Variants in RBFOX3 observed in about 807,000 individuals in gnomAD.
RBFOX3 encodes RNA binding fox-1 homolog 3, also known as RNA binding protein fox-1 homolog 3.
Under a neutral mutation model 48.7 loss-of-function variants are expected in RBFOX3, and 17 were observed. The observed-to-expected ratio is 0.35, with a 90% CI of 0.24 to 0.52. The LOEUF is 0.52. RBFOX3 is among the 20% of genes least tolerant of loss of function. The pLI is 0.94. For missense variants in RBFOX3, 382 were observed against 497.5 expected (o/e 0.77, Z 2.21); for synonymous variants, 212 against 209.5 (o/e 1.01, Z -0.10).
chr17:79,451,103 T>C (rs2073408308), intron 2 of RBFOX3, among the ~76,000 whole-genome samples: 2 of 152,112 alleles, frequency 1.3e-5, no homozygotes, highest in African/African-American at 4.8e-5. Context: ...TGCCAAACCC[T>C]TCCTCTCGCC....
At chr17:79,386,720 G>A (rs73425322) in intron 2 of RBFOX3, among the ~76,000 whole-genome samples, 1 of 152,178 alleles carries the variant, frequency 6.6e-6, no homozygotes, top group Non-Finnish European at 1.5e-5. Flanking sequence ...AGCCCTTGGG[G>A]TCCAGCCCCT....
intron 4 of RBFOX3, among the ~76,000 whole-genome samples, chr17:79,126,153 G>A (rs573643579): frequency 8.9e-4 from 135 of 152,346 alleles, no homozygotes; most frequent in African/African-American, 3.1e-3. Context: ...CTTCCTGGAC[G>A]CGTCTGCCAC....
rs376181574 is a variant in RBFOX3, at chr17:79,153,978, C to T, written c.-33-38230G>A. Among the ~76,000 whole-genome samples the T allele has an allele frequency of 7.6e-4, 116 of 152,298 alleles. 1 individual carries two copies. The highest frequency in any genetic ancestry group is 1.3e-4 in the Non-Finnish European group (9 of 68,016). ...AGGGGCGGGCCCAGTCCGGCTCCCA[C>T]GGCAGCCAGGGAGATGGTTAAAACA... On this transcript the variant is annotated intron_variant, in intron 4 of 14. Coordinates refer to ENST00000693108, the MANE Select transcript of RBFOX3 (RefSeq NM_001350451.2).
intron 3 of RBFOX3, among the ~76,000 whole-genome samples, chr17:79,271,365 C>T (rs970769251): frequency 6.6e-6 from 1 of 152,168 alleles, no homozygotes; most frequent in Non-Finnish European, 1.5e-5. Flanking sequence ...CGTGAGCCAC[C>T]GTGCCCGGCC....
At chr17:79,191,386 G>A (rs1229177974) in intron 4 of RBFOX3, among the ~76,000 whole-genome samples, 2 of 152,214 alleles carry the variant, frequency 1.3e-5, no homozygotes, top group Non-Finnish European at 2.9e-5. Flanking sequence ...CACTCAGTGA[G>A]TTAAAAAGCA....
chr17:79,538,640 C>T lies in RBFOX3; in HGVS notation c.-319-56042G>A, dbSNP rs887850980. Among the ~76,000 whole-genome samples, 12 of 152,354 alleles carry T rather than the reference C, an allele frequency of 7.9e-5. No homozygotes were observed. In the East Asian group the frequency reaches 1.7e-3, roughly 22 times the overall value. On this transcript the variant is annotated intron_variant, in intron 1 of 14. Coordinates refer to ENST00000693108, the MANE Select transcript of RBFOX3 (RefSeq NM_001350451.2). Reference sequence around the variant, plus strand: ...CAGCAGTAGGGCAGTGACACATTCACGGAGGAACTCAACCACTGTGTGGTT... The same window carrying T: ...CAGCAGTAGGGCAGTGACACATTCATGGAGGAACTCAACCACTGTGTGGTT...
intron 4 of RBFOX3, among the ~76,000 whole-genome samples, chr17:79,173,408 G>C (rs976565514): frequency 8.5e-5 from 13 of 152,154 alleles, no homozygotes; most frequent in African/African-American, 3.1e-4. Context: ...TAACACTGGA[G>C]ACGCCCTTGG....
At chr17:79,328,734 C>A (rs1206947033) in intron 2 of RBFOX3, among the ~76,000 whole-genome samples, 1 of 152,156 alleles carries the variant, frequency 6.6e-6, no homozygotes, top group African/African-American at 2.4e-5. Flanking sequence ...CTCTCTCCAC[C>A]CGGAGACATT....
Position 79,245,629 on chromosome 17 carries a change from A to ATTTT in RBFOX3, c.-73-9828_-73-9825dup, listed in dbSNP as rs10577875. On this transcript the variant is annotated intron_variant, in intron 3 of 14. Coordinates refer to ENST00000693108, the MANE Select transcript of RBFOX3 (RefSeq NM_001350451.2). ...CATTCGTCTGTAGGTGAACATTTGG[A>ATTTT]TTTTTTTTTTTTTTTTTTTGAGACA... Among the ~76,000 whole-genome samples, 648 of 130,166 alleles carry ATTTT rather than the reference A, an allele frequency of 5.0e-3. 8 individuals are homozygous for ATTTT. The highest frequency in any genetic ancestry group is 0.018 in the African/African-American group (607 of 33,460). 85.4% of individuals were successfully genotyped at this position (130,166 alleles called of 152,430 possible).
At chr17:79,149,998 G>GGGGGTGT (rs1200000663) in intron 4 of RBFOX3, among the ~76,000 whole-genome samples, 2,873 of 13,308 alleles carry the variant, frequency 0.22, 902 homozygotes, top group East Asian at 0.44. Flanking sequence ...GATGGGGGTG[G>GGGGGTGT]GGGTGGGGGA....
chr17:79,301,177 G>C (rs908167966), intron 3 of RBFOX3, among the ~76,000 whole-genome samples: 1 of 152,162 alleles, frequency 6.6e-6, no homozygotes, highest in African/African-American at 2.4e-5. Context: ...CCACTCTCTG[G>C]GTCCCAGCCC....
At chr17:79,130,644 C>T (rs1420738869) in intron 4 of RBFOX3, among the ~76,000 whole-genome samples, 5 of 152,268 alleles carry the variant, frequency 3.3e-5, no homozygotes, top group African/African-American at 9.6e-5. Context: ...ATGGGGCAGA[C>T]CTCCCTGCAA....
At chr17:79,096,192 A>G (rs919262247) in intron 12 of RBFOX3, among the ~76,000 whole-genome samples, 9 of 152,166 alleles carry the variant, frequency 5.9e-5, no homozygotes, top group African/African-American at 1.7e-4. Context: ...GAAGCAGCAC[A>G]TGTGGCCCCA....
intron 1 of RBFOX3, among the ~76,000 whole-genome samples, chr17:79,565,951 G>A (rs2092438394): frequency 6.6e-6 from 1 of 152,150 alleles, no homozygotes; most frequent in African/African-American, 2.4e-5. Context: ...TTGGACCCCA[G>A]TATTTTGGGT....
intron 1 of RBFOX3, among the ~76,000 whole-genome samples, chr17:79,501,062 C>T (rs1160973671): frequency 6.6e-6 from 1 of 152,190 alleles, no homozygotes; most frequent in Admixed American, 6.5e-5. Context: ...TTAGGGATTC[C>T]GCACAGCGCA....
At position 79,111,405 on chromosome 17, in the gene RBFOX3, G is replaced by C. The variant is rs188307924; in HGVS notation, c.222+4089C>G. Among the ~76,000 whole-genome samples, 1 of 152,128 alleles carries C rather than the reference G, an allele frequency of 6.6e-6. No individual in the cohort carries two copies. The highest frequency in any genetic ancestry group is 2.4e-5 in the African/African-American group (1 of 41,448). ...GGCTGGCCCTCCACAGTGACCCTCC[G>C]TGCTTTGTCTGGCATTTTTTTTATC... On this transcript the variant is annotated intron_variant, in intron 5 of 14. Coordinates refer to ENST00000693108, the MANE Select transcript of RBFOX3 (RefSeq NM_001350451.2). The surrounding 1 kb of genome is among the most constrained non-coding windows in gnomAD (Gnocchi z 4.2).
intron 4 of RBFOX3, among the ~76,000 whole-genome samples, chr17:79,118,570 G>A (rs2147096473): frequency 1.3e-5 from 2 of 152,272 alleles, no homozygotes; most frequent in Middle Eastern, 6.8e-3. Context: ...TGAGGGCCCT[G>A]CAGACACAGG....
At chr17:79,138,744 G>A (rs376840383) in intron 4 of RBFOX3, among the ~76,000 whole-genome samples, 85 of 3,230 alleles carry the variant, frequency 0.026, no homozygotes, top group Middle Eastern at 0.1. Flanking sequence ...CACACAGCAC[G>A]TGTTCACACC....
intron 1 of RBFOX3, among the ~76,000 whole-genome samples, chr17:79,534,797 G>A (rs1011168531): frequency 2.0e-5 from 3 of 152,166 alleles, no homozygotes; most frequent in South Asian, 2.1e-4. Flanking sequence ...TTTTCTCAAT[G>A]TGCTTTAGGG....
Sources: allele counts gnomAD v4.1 joint callset (sites outside exome capture counted in the v4.1 genomes callset), GRCh38; gene constraint gnomAD v4.1.1; non-coding constraint Gnocchi (gnomAD v3.1); transcripts MANE v1.5; gene names NCBI Gene and HGNC (gene_info 2026-07-23, HGNC 2026-07-21).